Variants in ABI2 observed in about 807,000 individuals in gnomAD.
ABI2 encodes the protein abl interactor 2.
A neutral mutation model predicts 59.2 loss-of-function variants in ABI2; 25 were observed. The observed-to-expected ratio is 0.42, with a 90% CI of 0.31 to 0.59. The LOEUF (loss-of-function observed/expected upper bound fraction) is 0.59, where lower values mean the gene tolerates loss of function less well. ABI2 is among the 20% of genes least tolerant of loss of function. The pLI is 0.14. For missense variants in ABI2, 545 were observed against 681.8 expected (o/e 0.80, Z 2.23); for synonymous variants, 213 against 235.5 (o/e 0.90, Z 0.87).
At chr2:203,411,989 CTGTA>C (rs912410825) in intron 10 of ABI2, among the ~76,000 whole-genome samples, 1 of 152,168 alleles carries the variant, frequency 6.6e-6, no homozygotes, top group Non-Finnish European at 1.5e-5. Context: ...TGAACATAGA[CTGTA>C]TGATGGACAA....
chr2:203,384,026 C>T (rs899373259), intron 4 of ABI2, among the ~76,000 whole-genome samples: 1 of 152,104 alleles, frequency 6.6e-6, no homozygotes, highest in African/African-American at 2.4e-5. Flanking sequence ...AAAAGTTTAA[C>T]TTTTACTATT....
chr2:203,345,700 C>T (rs559061367), intron 1 of ABI2, among the ~76,000 whole-genome samples: 59 of 151,126 alleles, frequency 3.9e-4, no homozygotes, highest in Non-Finnish European at 7.1e-4. Flanking sequence ...TGAGCCACCA[C>T]GCCCAGCCCT....
chr2:203,412,953 A>T (rs1204780958), intron 10 of ABI2, among the ~76,000 whole-genome samples: 1 of 152,230 alleles, frequency 6.6e-6, no homozygotes, highest in Non-Finnish European at 1.5e-5. Flanking sequence ...AGTCTAAGTA[A>T]ATGTCATTAC....
intron 3 of ABI2, among the ~76,000 whole-genome samples, chr2:203,381,647 GGTTA>G (rs1216196410): frequency 6.6e-6 from 1 of 152,086 alleles, no homozygotes; most frequent in Non-Finnish European, 1.5e-5. Context: ...GTAATTGGAT[GGTTA>G]GTTAATAACT....
intron 1 of ABI2, among the ~76,000 whole-genome samples, chr2:203,358,109 GTGTGTTTGTTTGTT>G (rs1194365875): frequency 6.9e-6 from 1 of 144,020 alleles, no homozygotes; most frequent in Non-Finnish European, 1.5e-5. Flanking sequence ...GTGTGTGTGT[GTGTGTTTGTTTGTT>G]TGTTTGTTTT....
chr2:203,349,164 A>G (rs1447043683), intron 1 of ABI2, among the ~76,000 whole-genome samples: 4 of 151,192 alleles, frequency 2.6e-5, no homozygotes, highest in Non-Finnish European at 5.9e-5. Context: ...CTGGTCTCCA[A>G]CTCCTGAACT....
At chr2:203,363,134 T>C (rs1044012684) in intron 1 of ABI2, among the ~76,000 whole-genome samples, 2 of 88,926 alleles carry the variant, frequency 2.2e-5, no homozygotes, top group African/African-American at 8.9e-5. Context: ...CCTGGCAGTA[T>C]TTTAAATACT....
chr2:203,396,738 A>G (rs934836476), intron 7 of ABI2, 47 bp from the exon 8 acceptor site: 2 of 1,471,158 alleles, frequency 1.4e-6, no homozygotes, highest in African/African-American at 2.8e-5. Flanking sequence ...ATCCTGCCTC[A>G]TGTGATTGCC....
At chr2:203,375,092 A>G (rs937261050) in intron 2 of ABI2, among the ~76,000 whole-genome samples, 1 of 152,204 alleles carries the variant, frequency 6.6e-6, no homozygotes, top group Non-Finnish European at 1.5e-5. Flanking sequence ...TGGGTTTGGC[A>G]CTGTGTGGCT....
intron 5 of ABI2, among the ~76,000 whole-genome samples, chr2:203,392,326 A>C (rs62182771): frequency 0.47 from 51,659 of 110,420 alleles, 13,095 homozygotes; most frequent in Middle Eastern, 0.66. Flanking sequence ...AACAACAACA[A>C]CAACAACAAC....
intron 2 of ABI2, among the ~76,000 whole-genome samples, chr2:203,372,539 C>A (rs1456130968): frequency 6.8e-6 from 1 of 147,054 alleles, no homozygotes; most frequent in Admixed American, 6.7e-5. Context: ...CCAGACGGGG[C>A]GGCTGGCCGG....
rs2098482045 is a variant in ABI2 at position 203,431,357 on chromosome 2, TAA to T, written c.*4006_*4007del. On this transcript the variant is annotated 3_prime_UTR_variant, in exon 12 of 12. Transcript: ENST00000261018. Reference sequence around the variant, plus strand: ...ATGTGCTGTATTTTTCTTTAAAAGTTAAGAGTTCTATTTGGTGTTTTCAGGAA... The same window carrying T: ...ATGTGCTGTATTTTTCTTTAAAAGTTGAGTTCTATTTGGTGTTTTCAGGAA... The T allele has an allele frequency of 6.5e-6, 1 of 152,766 alleles. No homozygotes were observed. The highest frequency in any genetic ancestry group is 2.1e-4 in the South Asian group (1 of 4,832). 9.5% of individuals were successfully genotyped at this position (152,766 alleles called of 1,614,324 possible). A position where few individuals can be genotyped will look rare whatever the true frequency, so the allele number is the denominator to read the frequency against.
intron 1 of ABI2, among the ~76,000 whole-genome samples, chr2:203,340,854 A>C (rs1235253738): frequency 6.6e-6 from 1 of 152,128 alleles, no homozygotes; most frequent in Non-Finnish European, 1.5e-5. Flanking sequence ...AACTGAACCA[A>C]AACAATATTG....
At chr2:203,378,909 T>G (rs2095903041) in intron 2 of ABI2, among the ~76,000 whole-genome samples, 1 of 152,154 alleles carries the variant, frequency 6.6e-6, no homozygotes, top group Admixed American at 6.5e-5. Flanking sequence ...ATATATATAA[T>G]AAACAGACTT....
At chr2:203,348,421 G>A (rs1201186674) in intron 1 of ABI2, among the ~76,000 whole-genome samples, 1 of 152,098 alleles carries the variant, frequency 6.6e-6, no homozygotes, top group Non-Finnish European at 1.5e-5. Flanking sequence ...TGCAATGGTG[G>A]AAAACATGCA....
intron 1 of ABI2, among the ~76,000 whole-genome samples, chr2:203,359,848 G>C (rs565340790): frequency 4.6e-5 from 7 of 151,984 alleles, no homozygotes; most frequent in East Asian, 3.9e-4. Flanking sequence ...ACATTTTTGG[G>C]GGGGGGACAC....
At chr2:203,355,652 A>G (rs1466058772) in intron 1 of ABI2, among the ~76,000 whole-genome samples, 2 of 151,772 alleles carry the variant, frequency 1.3e-5, no homozygotes, top group Non-Finnish European at 2.9e-5. Context: ...CAACATGGAG[A>G]AACCCCGTCT....
intron 1 of ABI2, among the ~76,000 whole-genome samples, chr2:203,353,863 C>T (rs1265565222): frequency 2.6e-5 from 4 of 151,932 alleles, no homozygotes; most frequent in Non-Finnish European, 5.9e-5. Context: ...TGTGATATGC[C>T]CATATTGCTA....
chr2:203,370,797 C>A (rs769861150), intron 2 of ABI2, among the ~76,000 whole-genome samples: 1 of 152,056 alleles, frequency 6.6e-6, no homozygotes, highest in African/African-American at 2.4e-5. Context: ...CAAGATCACA[C>A]ATTTATTGGA....
Sources: gnomAD v4.1 joint callset for allele counts (sites outside exome capture counted in the v4.1 genomes callset) on GRCh38, gnomAD v4.1.1 for gene constraint, MANE v1.5 for transcripts, NCBI Gene and HGNC (gene_info 2026-07-23, HGNC 2026-07-21) for gene names.